The following FARP1 variants were observed in gnomAD, a reference collection of about 807,000 sequenced individuals.
The protein encoded by FARP1 is FERM, ARHGEF and pleckstrin domain-containing protein 1.
In FARP1, 52 loss-of-function variants were observed where a neutral mutation model predicts 128.8. That is an observed-to-expected ratio of 0.40 (90% CI 0.32 to 0.51). FARP1 has a LOEUF of 0.51. Among genes scored for constraint, FARP1 ranks in the 20% least tolerant of loss-of-function variants. The pLI is 0.45. For synonymous variants in FARP1, 580 were observed against 551.8 expected, an observed-to-expected ratio of 1.05 and a Z score of -0.72; for missense variants, 1,333 against 1,367.9, an observed-to-expected ratio of 0.97 and a Z score of 0.40.
At chr13:98,261,894 C>T (rs1883898449) in intron 2 of FARP1, among the ~76,000 whole-genome samples, 1 of 152,152 alleles carries the variant, frequency 6.6e-6, no homozygotes, top group Admixed American at 6.5e-5. Context: ...TCTCACTAGG[C>T]TCCGTCTCCA....
At chr13:98,160,164 A>G (rs1876776438) in intron 1 of FARP1, among the ~76,000 whole-genome samples, 2 of 152,198 alleles carry the variant, frequency 1.3e-5, no homozygotes, top group Admixed American at 1.3e-4. Flanking sequence ...CCAGGAAACC[A>G]TGTCTTTGGA....
chr13:98,199,997 C>G (rs571792664), intron 1 of FARP1, among the ~76,000 whole-genome samples: 1 of 152,232 alleles, frequency 6.6e-6, no homozygotes, highest in East Asian at 1.9e-4. Flanking sequence ...CCTCCACTTC[C>G]ATTCTACACA....
intron 2 of FARP1, among the ~76,000 whole-genome samples, chr13:98,337,344 CCAAGGCGACAGCAATACACTGTCTCCAA>C (rs1887786932): frequency 6.6e-6 from 1 of 152,086 alleles, no homozygotes; most frequent in Non-Finnish European, 1.5e-5. Flanking sequence ...TGCACTCCAG[CCAAGGCGACAGCAATACACTGTCTCCAA>C]AAAAATGTTT....
At position 98,431,206 on chromosome 13, in the gene FARP1, T is replaced by C. The variant is rs765014438; in HGVS notation, c.2069T>C (p.Met690Thr). Reference protein sequence around the residue: ...TFLLRPLHRLMHYKQVLERLC... With the variant: ...TFLLRPLHRLTHYKQVLERLC... ...CTCCTGCGGCCACTGCACCGGCTCA[T>C]GCACTACAAGCAGGTCCTGGAGCGG... is the stretch of plus-strand genomic sequence containing the variant. Residue 690 changes from methionine to threonine, a missense_variant, in exon 18 of 27, where the codon ATG becomes ACG. Met to Thr is a moderately conservative substitution (Grantham distance 81, BLOSUM62 -1). This residue lies in a region of FARP1 where 1,009 missense variants were observed against 969.8 expected (regional missense o/e 1.04). Transcript: ENST00000319562. The C allele has an allele frequency of 1.5e-5, 24 of 1,609,918 alleles. No homozygotes were observed. Among genetic ancestry groups the C allele is most frequent in the South Asian group, 8.8e-5 (8 of 90,450 alleles).
intron 15 of FARP1, among the ~76,000 whole-genome samples, 193 bp downstream of exon 15, chr13:98,411,016 A>C (rs1891169688): frequency 6.6e-6 from 1 of 152,186 alleles, no homozygotes; most frequent in Admixed American, 6.5e-5. Context: ...CATTTTTGAT[A>C]ATGATGATTT....
At chr13:98,189,262 C>CTTT (rs11440978) in intron 1 of FARP1, among the ~76,000 whole-genome samples, 1 of 143,728 alleles carries the variant, frequency 7.0e-6, no homozygotes, top group Non-Finnish European at 1.5e-5. Flanking sequence ...GAAATGAGTA[C>CTTT]TTTTTTTTTT....
chr13:98,276,760 A>T (rs1884671848), intron 2 of FARP1, among the ~76,000 whole-genome samples: 1 of 152,276 alleles, frequency 6.6e-6, no homozygotes, highest in East Asian at 1.9e-4. Context: ...ATTGCATAGG[A>T]TGTAGAATAT....
intron 3 of FARP1, among the ~76,000 whole-genome samples, chr13:98,360,871 G>T (rs1425468612): frequency 6.6e-6 from 1 of 152,192 alleles, no homozygotes; most frequent in Non-Finnish European, 1.5e-5. Context: ...AGGGGCTACG[G>T]TTTGGTTGAA....
intron 2 of FARP1, among the ~76,000 whole-genome samples, chr13:98,308,655 A>G (rs535042779): frequency 1.3e-5 from 2 of 152,236 alleles, no homozygotes; most frequent in South Asian, 4.2e-4. Flanking sequence ...AAGTTTTAAT[A>G]TGTGTAATTT....
chr13:98,194,361 C>T (rs188213168), intron 1 of FARP1, among the ~76,000 whole-genome samples: 2 of 152,344 alleles, frequency 1.3e-5, no homozygotes, highest in Admixed American at 1.3e-4. Context: ...AGGTGATCCA[C>T]CCGCCTCGGC....
intron 1 of FARP1, among the ~76,000 whole-genome samples, chr13:98,188,986 G>T (rs1301635290): frequency 6.6e-6 from 1 of 152,128 alleles, no homozygotes; most frequent in Non-Finnish European, 1.5e-5. Flanking sequence ...GCCCATGAAG[G>T]CTCGCCAGCT....
chr13:98,241,834 G>A (rs1211895826), intron 2 of FARP1, among the ~76,000 whole-genome samples: 3 of 152,196 alleles, frequency 2.0e-5, no homozygotes, highest in African/African-American at 4.8e-5. Context: ...CAGGAGAATC[G>A]CTTGAACCCA....
intron 1 of FARP1, among the ~76,000 whole-genome samples, chr13:98,175,105 T>C (rs1877909877): frequency 6.6e-6 from 1 of 152,214 alleles, no homozygotes. Flanking sequence ...ACTGACTTTT[T>C]ATTGAGCTAC....
In FARP1 at chr13:98,228,571, C is replaced by T. The variant is rs962694620; in HGVS notation, c.171+15158C>T. Among the ~76,000 whole-genome samples the T allele has an allele frequency of 2.0e-5, 3 of 152,166 alleles. No individual in the cohort carries two copies. The East Asian group carries it at 5.8e-4, about 29-fold the overall frequency. The stretch of plus-strand genomic sequence containing the variant: ...GTTATCTATTGTTTGTATAGTATAT[C>T]GTTAGTTACCATTTTATGGATCTCG... On this transcript the variant is annotated intron_variant, in intron 2 of 26. Coordinates refer to ENST00000319562, the MANE Select transcript of FARP1 (RefSeq NM_005766.4).
At chr13:98,383,415 C>T (rs1889965500) in intron 6 of FARP1, among the ~76,000 whole-genome samples, 1 of 152,118 alleles carries the variant, frequency 6.6e-6, no homozygotes, top group African/African-American at 2.4e-5. Context: ...GGGGTTCTTC[C>T]AGTGCACCGG....
At chr13:98,188,754 G>A (rs1357870998) in intron 1 of FARP1, among the ~76,000 whole-genome samples, 1 of 152,186 alleles carries the variant, frequency 6.6e-6, no homozygotes, top group Non-Finnish European at 1.5e-5. Context: ...CACTCTGAAG[G>A]ACCCTCCTTC....
At chr13:98,418,945 T>G (rs772382943) in intron 16 of FARP1, among the ~76,000 whole-genome samples, 4 of 152,180 alleles carry the variant, frequency 2.6e-5, no homozygotes, top group Non-Finnish European at 5.9e-5. Flanking sequence ...AGAAAGAAGC[T>G]ATAGCTTTGA....
At chr13:98,240,139 C>T (rs771062556) in intron 2 of FARP1, among the ~76,000 whole-genome samples, 1 of 152,112 alleles carries the variant, frequency 6.6e-6, no homozygotes, top group Non-Finnish European at 1.5e-5. Flanking sequence ...TGGCCAGGGA[C>T]GCCTGTGGCC....
At chr13:98,310,080 G>GTT (rs35233382) in intron 2 of FARP1, among the ~76,000 whole-genome samples, 75,156 of 146,216 alleles carry the variant, frequency 0.51, 19,473 homozygotes, top group East Asian at 0.73. Context: ...TAGATTACAT[G>GTT]TTTTTTTTTT....
Sources: allele counts gnomAD v4.1 joint callset (sites outside exome capture counted in the v4.1 genomes callset), GRCh38; gene constraint gnomAD v4.1.1; regional missense constraint gnomAD v4.1.1; transcripts MANE v1.5; gene names NCBI Gene and HGNC (gene_info 2026-07-23, HGNC 2026-07-21).